Variants in ADAMTS6 observed in about 807,000 individuals in gnomAD.
ADAMTS6 encodes ADAM metallopeptidase with thrombospondin type 1 motif 6.
A neutral mutation model predicts 144.3 loss-of-function variants in ADAMTS6; 23 were observed. That is an observed-to-expected ratio of 0.16 (90% CI 0.11 to 0.23). ADAMTS6 has a LOEUF of 0.23. Among genes scored for constraint, ADAMTS6 ranks in the 10% least tolerant of loss-of-function variants. The pLI is 1.00. For synonymous variants in ADAMTS6, 444 were observed against 457.5 expected (o/e 0.97, Z 0.38); for missense variants, 999 against 1,379.6 (o/e 0.72, Z 4.37).
At chr5:65,395,904 A>G (rs753678965) in intron 7 of ADAMTS6, among the ~76,000 whole-genome samples, 4 of 152,226 alleles carry the variant, frequency 2.6e-5, no homozygotes, top group African/African-American at 4.8e-5. Context: ...AGGCACAGTA[A>G]CTATGACAGC....
At chr5:65,367,294 C>G (rs1415159099) in intron 7 of ADAMTS6, among the ~76,000 whole-genome samples, 1 of 152,114 alleles carries the variant, frequency 6.6e-6, no homozygotes, top group African/African-American at 2.4e-5. Context: ...AAAGAGCATT[C>G]TTTATCCTGA....
At chr5:65,471,421 G>T (rs371920962) in intron 2 of ADAMTS6, among the ~76,000 whole-genome samples, 1 of 151,714 alleles carries the variant, frequency 6.6e-6, no homozygotes, top group African/African-American at 2.4e-5. Flanking sequence ...AATTCTACAA[G>T]AAATATTAAA....
At chr5:65,279,889 GTTGT>G (rs963627481) in intron 11 of ADAMTS6, among the ~76,000 whole-genome samples, 9 of 152,046 alleles carry the variant, frequency 5.9e-5, no homozygotes, top group Non-Finnish European at 1.3e-4. Flanking sequence ...GTTTCCTCGT[GTTGT>G]TTGTTATTTT....
chr5:65,439,699 C>A (rs536741596), intron 7 of ADAMTS6, among the ~76,000 whole-genome samples: 70 of 152,244 alleles, frequency 4.6e-4, no homozygotes, highest in African/African-American at 1.6e-3. Flanking sequence ...ATTAAGACAA[C>A]TGATAAAATT....
At chr5:65,426,448 T>C (rs1467055067) in intron 7 of ADAMTS6, among the ~76,000 whole-genome samples, 6 of 151,832 alleles carry the variant, frequency 4.0e-5, no homozygotes, top group Non-Finnish European at 7.4e-5. Context: ...TTATTTTACA[T>C]AGGGGAACTG....
intron 7 of ADAMTS6, among the ~76,000 whole-genome samples, chr5:65,414,319 A>T: frequency 6.6e-6 from 1 of 151,142 alleles, no homozygotes; most frequent in East Asian, 1.9e-4. Flanking sequence ...TTGTGTCTTC[A>T]TTTCCTTATG....
rs189810568 is a variant in ADAMTS6 at position 65,355,067 on chromosome 5, C to T, written c.1074-20982G>A. 2.9e-3 allele frequency among the ~76,000 whole-genome samples: 435 copies of T among 151,788 alleles called. 4 individuals carry two copies. Among genetic ancestry groups the T allele is most frequent in the African/African-American group, 9.9e-3 (413 of 41,520 alleles). On this transcript the variant is annotated intron_variant, in intron 7 of 24. Coordinates refer to ENST00000381055, the MANE Select transcript of ADAMTS6 (RefSeq NM_197941.4). ...AGTCCTGTTAAAAATAGTTAACTTT[C>T]ATTTTTAAAGAAGTTATAAATCAGA... is the stretch of plus-strand genomic sequence containing the variant.
intron 7 of ADAMTS6, among the ~76,000 whole-genome samples, chr5:65,381,159 ATT>A (rs961887873): frequency 4.6e-5 from 7 of 152,176 alleles, no homozygotes; most frequent in African/African-American, 1.7e-4. Flanking sequence ...ATACTAAATG[ATT>A]CTCTCTCTTT....
intron 7 of ADAMTS6, among the ~76,000 whole-genome samples, chr5:65,368,801 T>C (rs2150115069): frequency 6.6e-6 from 1 of 152,268 alleles, no homozygotes; most frequent in Admixed American, 6.5e-5. Flanking sequence ...ACACCTGTAA[T>C]CTCAGCACTT....
rs191951575 is a variant in ADAMTS6 at position 65,364,629 on chromosome 5, C to A, written c.1074-30544G>T. Among the ~76,000 whole-genome samples the A allele has an allele frequency of 1.2e-3, 178 of 146,598 alleles. 1 individual carries two copies. The highest frequency in any genetic ancestry group is 4.3e-3 in the African/African-American group (167 of 39,074). On this transcript the variant is annotated intron_variant, in intron 7 of 24. Coordinates refer to ENST00000381055, the MANE Select transcript of ADAMTS6 (RefSeq NM_197941.4). ...TCGCCCAGGCTGGAGTGCAGTGGCG[C>A]AATCTCGGCTCACTGTAAGCTCCGC... is the stretch of plus-strand genomic sequence containing the variant.
intron 15 of ADAMTS6, among the ~76,000 whole-genome samples, chr5:65,236,351 G>C (rs148045067): frequency 1.3e-5 from 2 of 152,010 alleles, no homozygotes; most frequent in Non-Finnish European, 2.9e-5. Flanking sequence ...ACAGTGGTGT[G>C]ATCATAGCTC....
chr5:65,178,265 C>T (rs575118569), intron 22 of ADAMTS6, among the ~76,000 whole-genome samples: 1 of 152,144 alleles, frequency 6.6e-6, no homozygotes, highest in Non-Finnish European at 1.5e-5. Flanking sequence ...AGACATCGTG[C>T]GAGAAAGCCC....
At chr5:65,350,065 C>T (rs780175087) in intron 7 of ADAMTS6, among the ~76,000 whole-genome samples, 4 of 152,128 alleles carry the variant, frequency 2.6e-5, no homozygotes, top group Non-Finnish European at 4.4e-5. Flanking sequence ...TGCTAAAATA[C>T]GTGTTTACTA....
At chr5:65,163,622 T>A (rs115915501) in intron 24 of ADAMTS6, among the ~76,000 whole-genome samples, 4,259 of 152,308 alleles carry the variant, frequency 0.028, 119 homozygotes, top group Non-Finnish European at 0.037. Context: ...AAGAAAGAGA[T>A]CTCTCTTGAA....
At chr5:65,468,700 A>G (rs1018482652) in intron 3 of ADAMTS6, among the ~76,000 whole-genome samples, 7 of 152,206 alleles carry the variant, frequency 4.6e-5, no homozygotes, top group Non-Finnish European at 5.9e-5. Context: ...AGAAAGTCTC[A>G]ATAAGGATGA....
intron 7 of ADAMTS6, among the ~76,000 whole-genome samples, chr5:65,372,241 A>G (rs1025685039): frequency 6.7e-6 from 1 of 148,184 alleles, no homozygotes; most frequent in African/African-American, 2.6e-5. Flanking sequence ...GACAAGATCA[A>G]ATTCACACAT....
intron 1 of ADAMTS6, among the ~76,000 whole-genome samples, chr5:65,474,399 T>A (rs1022637283): frequency 2.6e-5 from 4 of 152,058 alleles, no homozygotes; most frequent in Admixed American, 2.6e-4. Flanking sequence ...TCATTTTTTT[T>A]TCTGACAAAG....
intron 4 of ADAMTS6, among the ~76,000 whole-genome samples, chr5:65,459,811 T>C (rs1759511000): frequency 6.6e-6 from 1 of 152,170 alleles, no homozygotes; most frequent in Non-Finnish European, 1.5e-5. Flanking sequence ...TATTCAAGTG[T>C]CTAGATTCCT....
At chr5:65,358,551 A>G (rs1291625603) in intron 7 of ADAMTS6, among the ~76,000 whole-genome samples, 1 of 152,106 alleles carries the variant, frequency 6.6e-6, no homozygotes, top group Non-Finnish European at 1.5e-5. Context: ...TGGAACCACA[A>G]AAGACCTCAA....
Sources: allele counts gnomAD v4.1 joint callset (sites outside exome capture counted in the v4.1 genomes callset), GRCh38; gene constraint gnomAD v4.1.1; transcripts MANE v1.5; gene names NCBI Gene and HGNC (gene_info 2026-07-23, HGNC 2026-07-21).